Variants in CLMP observed in about 807,000 individuals in gnomAD.
The protein encoded by CLMP is CXADR-like membrane protein.
Under a neutral mutation model 45.2 loss-of-function variants are expected in CLMP, and 27 were observed. The observed-to-expected ratio is 0.60, with a 90% CI of 0.44 to 0.82. CLMP has a LOEUF of 0.82. Ranked by LOEUF, CLMP falls within the 40% of genes least tolerant of loss-of-function variation. The pLI is 0.00. For missense variants in CLMP, 403 were observed against 448.4 expected, an observed-to-expected ratio of 0.90 and a Z score of 0.91; for synonymous variants, 167 against 171.4, an observed-to-expected ratio of 0.97 and a Z score of 0.20.
At chr11:123,120,552 T>C (rs1860800715) in intron 1 of CLMP, among the ~76,000 whole-genome samples, 1 of 152,196 alleles carries the variant, frequency 6.6e-6, no homozygotes, top group Non-Finnish European at 1.5e-5. Context: ...GTCTATAAAA[T>C]GGAGGAAATA....
intron 1 of CLMP, among the ~76,000 whole-genome samples, chr11:123,130,928 T>A (rs1271468295): frequency 6.9e-6 from 1 of 144,440 alleles, no homozygotes; most frequent in African/African-American, 2.5e-5. Context: ...CTGCAACCCC[T>A]GCCTCCCGGG....
intron 1 of CLMP, among the ~76,000 whole-genome samples, chr11:123,183,532 G>A (rs1861796238): frequency 6.6e-6 from 1 of 152,114 alleles, no homozygotes; most frequent in Admixed American, 6.5e-5. Flanking sequence ...CACCTGGCCT[G>A]AGGGTCACTC....
At chr11:123,157,251 T>C (rs1446098667) in intron 1 of CLMP, among the ~76,000 whole-genome samples, 1 of 152,100 alleles carries the variant, frequency 6.6e-6, no homozygotes, top group Non-Finnish European at 1.5e-5. Context: ...CCTCTTTATA[T>C]CATGAATAAA....
chr11:123,106,190 T>A (rs569042953), intron 1 of CLMP, among the ~76,000 whole-genome samples: 1 of 152,150 alleles, frequency 6.6e-6, no homozygotes, highest in Non-Finnish European at 1.5e-5. Flanking sequence ...ATTTTATGTG[T>A]GGCCCAAGAT....
At chr11:123,159,142 T>C (rs1382834316) in intron 1 of CLMP, among the ~76,000 whole-genome samples, 3 of 152,174 alleles carry the variant, frequency 2.0e-5, no homozygotes, top group Non-Finnish European at 4.4e-5. Flanking sequence ...GTGCTTAAAA[T>C]TGGATGTGTG....
chr11:123,167,224 C>T (rs1430840503), intron 1 of CLMP, among the ~76,000 whole-genome samples: 1 of 152,196 alleles, frequency 6.6e-6, no homozygotes, highest in African/African-American at 2.4e-5. Flanking sequence ...CAGAGAAGTT[C>T]AACTTGTTCA....
chr11:123,194,773 C>A (rs540076009), intron 1 of CLMP, 140 bp downstream of exon 1: 179 of 1,014,724 alleles, frequency 1.8e-4, no homozygotes, highest in Non-Finnish European at 2.4e-4. Context: ...TGTGCTCCTC[C>A]GTGGCCAGGA....
chr11:123,148,857 A>G (rs1009601430), intron 1 of CLMP, among the ~76,000 whole-genome samples: 1 of 152,220 alleles, frequency 6.6e-6, no homozygotes, highest in Non-Finnish European at 1.5e-5. Context: ...TATATTCCAT[A>G]AAGACTGAGG....
At chr11:123,170,732 C>T (rs572595837) in intron 1 of CLMP, among the ~76,000 whole-genome samples, 2 of 152,198 alleles carry the variant, frequency 1.3e-5, no homozygotes, top group African/African-American at 2.4e-5. Context: ...TGAGCCACCA[C>T]GCCCAGCCGA....
chr11:123,142,687 C>T (rs947610957), intron 1 of CLMP, among the ~76,000 whole-genome samples: 3 of 129,930 alleles, frequency 2.3e-5, no homozygotes, highest in African/African-American at 6.6e-5. Flanking sequence ...ACTGCAGTGG[C>T]GCAATCTCGG....
intron 1 of CLMP, among the ~76,000 whole-genome samples, chr11:123,183,236 G>A (rs1041782450): frequency 2.0e-5 from 3 of 152,022 alleles, no homozygotes; most frequent in Non-Finnish European, 1.5e-5. Flanking sequence ...TTTTTTTGCT[G>A]TTGTTTGTTT....
chr11:123,108,885 C>T (rs1480367205), intron 1 of CLMP, among the ~76,000 whole-genome samples: 1 of 151,878 alleles, frequency 6.6e-6, no homozygotes, highest in Non-Finnish European at 1.5e-5. Flanking sequence ...GAAGGAGAAA[C>T]CCTGTCTCTA....
intron 6 of CLMP, 67 bp from the exon 7 acceptor site, chr11:123,073,841 C>A: frequency 2.7e-6 from 4 of 1,491,536 alleles, no homozygotes; most frequent in Non-Finnish European, 3.6e-6. Flanking sequence ...TGATTGCTTC[C>A]TTCTGAGGTT....
At chr11:123,096,332 C>T (rs1201673629) in intron 2 of CLMP, among the ~76,000 whole-genome samples, 4 of 151,848 alleles carry the variant, frequency 2.6e-5, no homozygotes, top group Admixed American at 1.3e-4. Flanking sequence ...CCAGCCTGGG[C>T]GACAGAGTGA....
At chr11:123,084,019 C>T (rs1039750408) in intron 3 of CLMP, among the ~76,000 whole-genome samples, 172 bp from the exon 4 acceptor site, 2 of 152,182 alleles carry the variant, frequency 1.3e-5, no homozygotes, top group East Asian at 1.9e-4. Flanking sequence ...AAACATCCAC[C>T]TCCATCCCCT....
intron 2 of CLMP, among the ~76,000 whole-genome samples, chr11:123,095,087 A>T (rs148917450): frequency 6.6e-6 from 1 of 152,294 alleles, no homozygotes; most frequent in Non-Finnish European, 1.5e-5. Context: ...ATAAATGGAC[A>T]TCCTTGCTTC....
chr11:123,092,473 T>C (rs1174297463), intron 2 of CLMP, among the ~76,000 whole-genome samples: 1 of 152,048 alleles, frequency 6.6e-6, no homozygotes, highest in East Asian at 1.9e-4. Flanking sequence ...AATTTTTGTA[T>C]TTTTAGTAGA....
At chr11:123,178,471 T>C (rs1484892185) in intron 1 of CLMP, among the ~76,000 whole-genome samples, 1 of 152,248 alleles carries the variant, frequency 6.6e-6, no homozygotes, top group African/African-American at 2.4e-5. Context: ...TTTTTGACAG[T>C]CACTAATTGA....
intron 1 of CLMP, among the ~76,000 whole-genome samples, chr11:123,149,857 G>A (rs547481234): frequency 6.7e-6 from 1 of 150,266 alleles, no homozygotes; most frequent in Admixed American, 6.7e-5. Context: ...TGTCATCCAG[G>A]CTGCAGTTTA....
Sources: gnomAD v4.1 joint callset for allele counts (sites outside exome capture counted in the v4.1 genomes callset) on GRCh38, gnomAD v4.1.1 for gene constraint, MANE v1.5 for transcripts, NCBI Gene and HGNC (gene_info 2026-07-23, HGNC 2026-07-21) for gene names.